PCDHA7: variants seen among roughly 807,000 people sequenced by gnomAD.
PCDHA7 encodes protocadherin alpha 7, also known as protocadherin alpha-7.
PCDHA7 carries 37 observed loss-of-function variants against 57.2 expected under a neutral mutation model. The observed-to-expected ratio is 0.65, with a 90% CI of 0.50 to 0.85. The LOEUF (loss-of-function observed/expected upper bound fraction) is 0.85, where lower values mean the gene tolerates loss of function less well. PCDHA7 is among the 40% of genes least tolerant of loss of function. PCDHA7 has a pLI of 0.00. For synonymous variants in PCDHA7, 553 were observed against 558.8 expected, an observed-to-expected ratio of 0.99 and a Z score of 0.15; for missense variants, 1,188 against 1,241.8, an observed-to-expected ratio of 0.96 and a Z score of 0.65.
chr5:140,934,569 A>AT (rs1286294364), intron 1 of PCDHA7, among the ~76,000 whole-genome samples: 1 of 152,044 alleles, frequency 6.6e-6, no homozygotes, highest in Admixed American at 6.6e-5. Context: ...TTTTTAATTA[A>AT]TTGTAACATT....
At chr5:140,842,163 T>G (rs1777744239) in intron 1 of PCDHA7, 1 of 1,613,748 alleles carries the variant, frequency 6.2e-7, no homozygotes, top group African/African-American at 1.3e-5. Context: ...TCATATTCTT[T>G]TAATAGCCTT....
intron 3 of PCDHA7, among the ~76,000 whole-genome samples, chr5:140,992,036 TG>T (rs2097488420): frequency 6.6e-6 from 1 of 151,818 alleles, no homozygotes; most frequent in African/African-American, 2.4e-5. Flanking sequence ...TGTGTGTGTG[TG>T]TGTGTGTGTG....
rs1380123980 is a variant in PCDHA7 at position 140,841,792 on chromosome 5, G to T, written c.2355+5054G>T. On this transcript the variant is annotated intron_variant, in intron 1 of 3. Coordinates refer to ENST00000525929, the MANE Select transcript of PCDHA7 (RefSeq NM_018910.3). ...ACTCTCGGTTTCCGCTAGAGGGCGCGTCCGATGCAGATGTTGGAGCTAACT... is the reference window on the plus strand; with the variant it reads ...ACTCTCGGTTTCCGCTAGAGGGCGCTTCCGATGCAGATGTTGGAGCTAACT... 5.6e-6 allele frequency: 9 copies of T among 1,613,798 alleles called. No homozygotes were observed. The South Asian group carries it at 7.7e-5, about 14-fold the overall frequency.
chr5:140,982,795 A>ATG (rs60616196), intron 3 of PCDHA7, among the ~76,000 whole-genome samples: 5,064 of 151,610 alleles, frequency 0.033, 263 homozygotes, highest in African/African-American at 0.11. Context: ...GCATGTGTGC[A>ATG]TGTGTGTGTG....
rs78358581 is a variant in PCDHA7 at position 140,924,264 on chromosome 5, T to G, written c.2356-54685T>G. 2.9e-3 allele frequency among the ~76,000 whole-genome samples: 442 copies of G among 152,342 alleles called. 1 individual carries two copies. Among genetic ancestry groups the G allele is most frequent in the African/African-American group, 0.01 (423 of 41,584 alleles). On this transcript the variant is annotated intron_variant, in intron 1 of 3. Coordinates refer to ENST00000525929, the MANE Select transcript of PCDHA7 (RefSeq NM_018910.3). Reference sequence around the variant, plus strand: ...TGCATCCTGGTGAGATCTAATGAGGTCTGTACTTGTGACTACCTAATAGGC... The same window carrying G: ...TGCATCCTGGTGAGATCTAATGAGGGCTGTACTTGTGACTACCTAATAGGC...
intron 1 of PCDHA7, chr5:140,875,764 C>A (rs782377276): frequency 6.2e-7 from 1 of 1,614,196 alleles, no homozygotes; most frequent in Non-Finnish European, 8.5e-7. Flanking sequence ...GCTGTGCGGG[C>A]GGAGCGCGGA....
At chr5:140,884,523 A>T (rs1393275293) in intron 1 of PCDHA7, 1 of 1,614,030 alleles carries the variant, frequency 6.2e-7, no homozygotes, top group Non-Finnish European at 8.5e-7. Flanking sequence ...TCGTACTCGC[A>T]GCAGAGGCGG....
intron 1 of PCDHA7, among the ~76,000 whole-genome samples, chr5:140,903,649 T>C (rs1335268583): frequency 6.6e-6 from 1 of 152,236 alleles, no homozygotes; most frequent in Non-Finnish European, 1.5e-5. Context: ...CATATACATA[T>C]ATTATAAATT....
chr5:140,959,525 C>G (rs1356711808), intron 1 of PCDHA7, among the ~76,000 whole-genome samples: 1 of 151,910 alleles, frequency 6.6e-6, no homozygotes, highest in Non-Finnish European at 1.5e-5. Flanking sequence ...TCTTTAAGAC[C>G]ATTAATTCAG....
intron 1 of PCDHA7, chr5:140,928,661 G>A (rs1554206119): frequency 6.2e-7 from 1 of 1,614,218 alleles, no homozygotes; most frequent in Non-Finnish European, 8.5e-7. Flanking sequence ...GATGCTGACA[G>A]TGGTTCTAAT....
chr5:140,883,791 T>C, intron 1 of PCDHA7: 3 of 1,612,422 alleles, frequency 1.9e-6, no homozygotes, highest in Middle Eastern at 3.9e-4. Flanking sequence ...TCGAGCTACG[T>C]GTCGGTGCAC....
intron 1 of PCDHA7, chr5:140,857,788 GCTGCGGTCGGTGGTTGCGGGT>G: frequency 6.3e-7 from 1 of 1,597,732 alleles, no homozygotes; most frequent in South Asian, 1.1e-5. Flanking sequence ...GTGAGCTGGT[GCTGCGGTCGGTGGTTGCGGGT>G]CACGTGGTGG....
intron 1 of PCDHA7, among the ~76,000 whole-genome samples, chr5:140,937,309 T>G (rs1210222120): frequency 6.6e-6 from 1 of 152,102 alleles, no homozygotes; most frequent in African/African-American, 2.4e-5. Flanking sequence ...AGTGCTGGGA[T>G]TACAGGCGTG....
At chr5:140,877,614 G>A (rs2153354451) in intron 1 of PCDHA7, 3 of 1,613,850 alleles carry the variant, frequency 1.9e-6, no homozygotes, top group Middle Eastern at 3.3e-4. Context: ...TGGTGCTCAC[G>A]CTGCTGCTGT....
chr5:140,971,182 G>A (rs1158073557), intron 1 of PCDHA7, among the ~76,000 whole-genome samples: 7 of 152,110 alleles, frequency 4.6e-5, no homozygotes, highest in Admixed American at 1.3e-4. Flanking sequence ...GCTGTAAGCC[G>A]GAAGCTCAGA....
intron 1 of PCDHA7, chr5:140,877,258 G>T (rs1206242754): frequency 1.9e-6 from 3 of 1,613,662 alleles, no homozygotes; most frequent in Non-Finnish European, 2.5e-6. Context: ...GAAAGTGCGC[G>T]CGGTGGACGC....
chr5:140,959,163 C>T (rs246007), intron 1 of PCDHA7, among the ~76,000 whole-genome samples: 85,446 of 151,632 alleles, frequency 0.56, 24,671 homozygotes, highest in African/African-American at 0.69. Context: ...GATTGCTTGA[C>T]CCCAGGAGTT....
chr5:140,943,742 T>C (rs1326111617), intron 1 of PCDHA7, among the ~76,000 whole-genome samples: 2 of 152,200 alleles, frequency 1.3e-5, no homozygotes, highest in Non-Finnish European at 2.9e-5. Context: ...GTCCACAGTC[T>C]AAAAGCAGTA....
intron 1 of PCDHA7, among the ~76,000 whole-genome samples, chr5:140,932,100 CTG>C (rs2088033860): frequency 6.6e-6 from 1 of 151,792 alleles, no homozygotes; most frequent in African/African-American, 2.4e-5. Context: ...GTTTTTATCT[CTG>C]TATTTCCAAT....
Sources: gnomAD v4.1 joint callset for allele counts (sites outside exome capture counted in the v4.1 genomes callset) on GRCh38, gnomAD v4.1.1 for gene constraint, MANE v1.5 for transcripts, NCBI Gene and HGNC (gene_info 2026-07-23, HGNC 2026-07-21) for gene names.